Variants in DLC1 observed in about 807,000 individuals in gnomAD.
The protein encoded by DLC1 is DLC1 Rho GTPase activating protein.
A neutral mutation model predicts 140.3 loss-of-function variants in DLC1; 54 were observed. The observed-to-expected ratio is 0.38, with a 90% CI of 0.31 to 0.48. The LOEUF is 0.48. Ranked by LOEUF, DLC1 falls within the 20% of genes least tolerant of loss-of-function variation. The pLI is 0.96. For missense variants in DLC1, 2,536 were observed against 1,907.0 expected (o/e 1.33, Z -6.14); for synonymous variants, 986 against 728.1 (o/e 1.35, Z -5.70).
At chr8:13,455,644 C>G (rs890762907) in intron 2 of DLC1, among the ~76,000 whole-genome samples, 3 of 152,186 alleles carry the variant, frequency 2.0e-5, no homozygotes, top group African/African-American at 2.4e-5. Context: ...CACCCTGTGC[C>G]TAAAATTAGT....
intron 5 of DLC1, among the ~76,000 whole-genome samples, chr8:13,269,116 GC>G (rs1830815612): frequency 6.6e-6 from 1 of 151,784 alleles, no homozygotes; most frequent in Non-Finnish European, 1.5e-5. Flanking sequence ...CTCGTGATCT[GC>G]CCGCCTCAGC....
At chr8:13,143,279 C>A (rs75325329) in intron 5 of DLC1, among the ~76,000 whole-genome samples, 95 of 152,234 alleles carry the variant, frequency 6.2e-4, no homozygotes, top group Non-Finnish European at 1.2e-3. Context: ...TGATACTGAC[C>A]GCTGTTGTGC....
chr8:13,215,679 A>G lies in DLC1; in HGVS notation c.1348+89590T>C, dbSNP rs528514574. 4.6e-5 allele frequency among the ~76,000 whole-genome samples: 7 copies of G among 152,296 alleles called. No homozygotes were observed. In the South Asian group the frequency reaches 6.2e-4, roughly 14 times the overall value. On this transcript the variant is annotated intron_variant, in intron 5 of 17. Coordinates refer to ENST00000276297, the MANE Select transcript of DLC1 (RefSeq NM_182643.3). The stretch of plus-strand genomic sequence containing the variant: ...GAAGCAAACTTTAAAACATACTACT[A>G]TTGTAGAACTATTGAAGGTGAGACA...
intron 5 of DLC1, among the ~76,000 whole-genome samples, chr8:13,196,685 C>G (rs978846642): frequency 3.5e-4 from 54 of 152,214 alleles, no homozygotes; most frequent in Non-Finnish European, 8.8e-5. Context: ...CTGTGATCAT[C>G]TGTGCTTATT....
rs1307534602 is a variant in DLC1, at chr8:13,514,655, T to C, written c.-179A>G. 7.5e-6 allele frequency: 3 copies of C among 398,514 alleles called. No homozygotes were observed. Among genetic ancestry groups the C allele is most frequent in the Non-Finnish European group, 1.3e-5 (3 of 226,100 alleles). 24.7% of individuals were successfully genotyped at this position (398,514 alleles called of 1,614,324 possible). ...GCATGACACTGCTCAACACTCAGGC[T>C]AGGAAAGAAGTCCGTCCCCGTTAGT... On this transcript the variant is annotated 5_prime_UTR_variant, in exon 1 of 18. Coordinates refer to ENST00000276297, the MANE Select transcript of DLC1 (RefSeq NM_182643.3).
chr8:13,170,693 G>A lies in DLC1; in HGVS notation c.1349-55036C>T, dbSNP rs536952650. Among the ~76,000 whole-genome samples, 4 of 141,150 alleles carry A rather than the reference G, an allele frequency of 2.8e-5. No homozygotes were observed. In the East Asian group the frequency reaches 6.2e-4, roughly 22 times the overall value. The allele number at this position is 141,150 out of a possible 152,430, so 92.6% of individuals were successfully genotyped here. The stretch of plus-strand genomic sequence containing the variant: ...TGCAGTGAGCCGAGATCGCGCCACT[G>A]CACTCCAGCCTGGGCGACAGAGCAA... On this transcript the variant is annotated intron_variant, in intron 5 of 17. Coordinates refer to ENST00000276297, the MANE Select transcript of DLC1 (RefSeq NM_182643.3).
chr8:13,414,123 A>G (rs1048722527), intron 2 of DLC1, among the ~76,000 whole-genome samples: 3 of 152,190 alleles, frequency 2.0e-5, no homozygotes, highest in African/African-American at 7.2e-5. Flanking sequence ...TTAACTGCAT[A>G]ACATACTTTA....
intron 5 of DLC1, chr8:13,276,331 G>A (rs1831161034): frequency 4.6e-6 from 7 of 1,531,426 alleles, no homozygotes; most frequent in Non-Finnish European, 5.2e-6. Flanking sequence ...TCCCTGATGT[G>A]ATCGCTAAAG....
chr8:13,386,970 C>A (rs1380967460), intron 4 of DLC1, among the ~76,000 whole-genome samples: 1 of 151,958 alleles, frequency 6.6e-6, no homozygotes, highest in Non-Finnish European at 1.5e-5. Flanking sequence ...TTGCCATATT[C>A]AAAAGCAAGA....
chr8:13,091,744 C>G (rs573924843), intron 13 of DLC1, among the ~76,000 whole-genome samples: 1 of 152,108 alleles, frequency 6.6e-6, no homozygotes, highest in Non-Finnish European at 1.5e-5. Flanking sequence ...GGAGCAACTT[C>G]TGAGGAGTGT....
intron 2 of DLC1, among the ~76,000 whole-genome samples, chr8:13,474,019 A>G (rs924295626): frequency 7.2e-5 from 11 of 152,206 alleles, no homozygotes; most frequent in African/African-American, 2.7e-4. Flanking sequence ...ACGAGGAGCC[A>G]AATGTTAATC....
At chr8:13,330,854 T>G (rs1833556700) in intron 4 of DLC1, among the ~76,000 whole-genome samples, 1 of 152,248 alleles carries the variant, frequency 6.6e-6, no homozygotes, top group Non-Finnish European at 1.5e-5. Context: ...CTTACAAGGC[T>G]CATTTTCATG....
At chr8:13,520,501 T>G (rs1254506342) in intron 1 of DLC1, among the ~76,000 whole-genome samples, 2 of 151,942 alleles carry the variant, frequency 1.3e-5, no homozygotes, top group African/African-American at 4.8e-5. Flanking sequence ...AGGGATAACA[T>G]TAGGAGAAAT....
intron 1 of DLC1, among the ~76,000 whole-genome samples, chr8:13,591,444 C>A (rs1172583468): frequency 6.6e-6 from 1 of 152,084 alleles, no homozygotes; most frequent in Non-Finnish European, 1.5e-5. Context: ...CCTTCTCTCT[C>A]CTGCCACCTT....
At chr8:13,563,117 T>C (rs1430187512) in intron 1 of DLC1, among the ~76,000 whole-genome samples, 1 of 152,208 alleles carries the variant, frequency 6.6e-6, no homozygotes, top group African/African-American at 2.4e-5. Flanking sequence ...CTTTTTACTT[T>C]TTCATTTATA....
At chr8:13,541,433 A>T (rs905279028) in intron 1 of DLC1, among the ~76,000 whole-genome samples, 1 of 152,194 alleles carries the variant, frequency 6.6e-6, no homozygotes, top group Non-Finnish European at 1.5e-5. Flanking sequence ...TCTCTGAGAG[A>T]TCCACTTGCT....
intron 2 of DLC1, 21 bp downstream of exon 2, chr8:13,499,028 G>T: frequency 1.3e-6 from 2 of 1,556,780 alleles, no homozygotes; most frequent in African/African-American, 1.4e-5. Flanking sequence ...AAAAGCCAGA[G>T]AATCTGTGCA....
intron 13 of DLC1, 24 bp from the exon 14 acceptor site, chr8:13,091,456 G>T: frequency 6.3e-7 from 1 of 1,587,168 alleles, no homozygotes; most frequent in Non-Finnish European, 8.6e-7. Flanking sequence ...ATACAGGAGG[G>T]GAACAGTTCA....
intron 4 of DLC1, among the ~76,000 whole-genome samples, chr8:13,311,824 G>A (rs1832673300): frequency 6.6e-6 from 1 of 152,136 alleles, no homozygotes; most frequent in Non-Finnish European, 1.5e-5. Context: ...CCTCCCCTAA[G>A]TAAGAATGAA....
Sources: allele counts gnomAD v4.1 joint callset (sites outside exome capture counted in the v4.1 genomes callset), GRCh38; gene constraint gnomAD v4.1.1; transcripts MANE v1.5; gene names NCBI Gene and HGNC (gene_info 2026-07-23, HGNC 2026-07-21).